The following MGAT5 variants were observed in gnomAD, a reference collection of about 807,000 sequenced individuals.
MGAT5 encodes the protein alpha-1,6-mannosylglycoprotein 6-beta-N-acetylglucosaminyltransferase A.
MGAT5 carries 30 observed loss-of-function variants against 94.3 expected under a neutral mutation model. That is an observed-to-expected ratio of 0.32 (90% CI 0.24 to 0.43). The LOEUF (loss-of-function observed/expected upper bound fraction) is 0.43, where lower values mean the gene tolerates loss of function less well. Among genes scored for constraint, MGAT5 ranks in the 20% least tolerant of loss-of-function variants. The pLI is 1.00. For synonymous variants in MGAT5, 310 were observed against 322.9 expected (o/e 0.96, Z 0.43); for missense variants, 691 against 905.5 (o/e 0.76, Z 3.04).
chr2:134,123,313 C>T (rs1249979798), intron 1 of MGAT5, among the ~76,000 whole-genome samples: 3 of 152,160 alleles, frequency 2.0e-5, no homozygotes, highest in African/African-American at 7.2e-5. Flanking sequence ...TTCCATGTGT[C>T]TCAGGATCTA....
At chr2:134,415,324 G>A (rs144101672) in intron 12 of MGAT5, among the ~76,000 whole-genome samples, 2,464 of 152,256 alleles carry the variant, frequency 0.016, 30 homozygotes, top group Middle Eastern at 0.13. Context: ...ACAAGCATGA[G>A]GTGATATCTC....
chr2:134,199,639 A>G (rs1206636326), intron 1 of MGAT5, among the ~76,000 whole-genome samples: 3 of 151,862 alleles, frequency 2.0e-5, no homozygotes, highest in Non-Finnish European at 4.4e-5. Context: ...CTCTGTCAGT[A>G]TTCCATGATT....
At chr2:134,270,354 A>G in intron 1 of MGAT5, 32 bp from the exon 2 acceptor site, 1 of 1,606,262 alleles carries the variant, frequency 6.2e-7, no homozygotes. Context: ...GAGGCCATAG[A>G]ATTTTAAAAT....
chr2:134,243,320 T>A lies in MGAT5; in HGVS notation c.-142-10942T>A, dbSNP rs566180168. On this transcript the variant is annotated intron_variant, in intron 1 of 16. Coordinates refer to the MGAT5 transcript ENST00000409645. ...ACATCATAGTTGGGAGGTCCTGGTTTAGTCAGTCCTAAGCTCTGAGGGCAA... is the reference window on the plus strand; with the variant it reads ...ACATCATAGTTGGGAGGTCCTGGTTAAGTCAGTCCTAAGCTCTGAGGGCAA... Among the ~76,000 whole-genome samples the A allele has an allele frequency of 2.6e-5, 4 of 152,248 alleles. No individual in the cohort carries two copies. In the South Asian group the frequency reaches 8.3e-4, roughly 32 times the overall value.
intron 5 of MGAT5, 138 bp downstream of exon 5, chr2:134,336,426 GA>G (rs1688335032): frequency 2.9e-6 from 2 of 685,956 alleles, no homozygotes; most frequent in Admixed American, 2.7e-5. Context: ...CGTCTCTGTG[GA>G]AGTCTAAGTG....
intron 15 of MGAT5, among the ~76,000 whole-genome samples, chr2:134,445,489 C>T (rs1020024649): frequency 6.6e-6 from 1 of 152,088 alleles, no homozygotes; most frequent in African/African-American, 2.4e-5. Context: ...CAGCAGCACT[C>T]GCCTCCTGTC....
At chr2:134,167,878 T>G (rs1055046566) in intron 1 of MGAT5, among the ~76,000 whole-genome samples, 9 of 152,196 alleles carry the variant, frequency 5.9e-5, no homozygotes, top group African/African-American at 2.2e-4. Context: ...TTTGGCTATT[T>G]TTTTCTCAAC....
chr2:134,354,717 C>CCTAAGCAG (rs755419115), intron 9 of MGAT5, among the ~76,000 whole-genome samples: 6 of 152,124 alleles, frequency 3.9e-5, no homozygotes, highest in Non-Finnish European at 8.8e-5. Context: ...CTGACACCTT[C>CCTAAGCAG]CTAAGCAGCT....
chr2:134,409,779 T>C (rs1331399561), intron 11 of MGAT5, among the ~76,000 whole-genome samples: 1 of 152,162 alleles, frequency 6.6e-6, no homozygotes, highest in African/African-American at 2.4e-5. Context: ...TTTCACAGAG[T>C]GGGAAAAATC....
intron 1 of MGAT5, among the ~76,000 whole-genome samples, chr2:134,168,860 C>G (rs1365900941): frequency 6.6e-6 from 1 of 152,192 alleles, no homozygotes; most frequent in African/African-American, 2.4e-5. Context: ...TTCTGAGATT[C>G]TTCTACTGGG....
chr2:134,160,995 A>T (rs1687706694), intron 1 of MGAT5, among the ~76,000 whole-genome samples: 1 of 152,224 alleles, frequency 6.6e-6, no homozygotes, highest in South Asian at 2.1e-4. Context: ...TTAGCAGAGA[A>T]CATCTGTGAG....
intron 1 of MGAT5, among the ~76,000 whole-genome samples, chr2:134,202,380 C>G (rs1366413464): frequency 2.0e-5 from 3 of 152,244 alleles, no homozygotes; most frequent in Non-Finnish European, 4.4e-5. Context: ...CATTTGAGTA[C>G]ACAGCTAGAA....
At chr2:134,275,578 CTTTTTTT>C (rs11409592) in intron 2 of MGAT5, among the ~76,000 whole-genome samples, 71 of 79,594 alleles carry the variant, frequency 8.9e-4, no homozygotes, top group Non-Finnish European at 1.3e-3. Flanking sequence ...GTGCTATTTC[CTTTTTTT>C]TTTTTTTTTT....
chr2:134,190,901 G>T (rs1296369177), intron 1 of MGAT5, among the ~76,000 whole-genome samples: 1 of 152,000 alleles, frequency 6.6e-6, no homozygotes, highest in Admixed American at 6.5e-5. Flanking sequence ...TGCCCGTCTC[G>T]GCCTCCCAGA....
intron 11 of MGAT5, among the ~76,000 whole-genome samples, chr2:134,404,571 A>C (rs1297040583): frequency 6.6e-6 from 1 of 152,180 alleles, no homozygotes; most frequent in East Asian, 1.9e-4. Context: ...TACTATCGTC[A>C]TAAACACTCA....
chr2:134,331,449 A>T (rs1687969034), intron 4 of MGAT5, among the ~76,000 whole-genome samples: 1 of 152,094 alleles, frequency 6.6e-6, no homozygotes, highest in Non-Finnish European at 1.5e-5. Flanking sequence ...GCTTCTCCTC[A>T]ATCGATTGTT....
chr2:134,323,184 A>C (rs935472), intron 4 of MGAT5, among the ~76,000 whole-genome samples: 147,701 of 152,220 alleles, frequency 0.97, 71,728 homozygotes, highest in East Asian at 1. Context: ...TCCCAGGAAG[A>C]AAAGCCATCA....
chr2:134,393,776 A>G (rs1040979587), intron 10 of MGAT5, among the ~76,000 whole-genome samples: 36 of 152,176 alleles, frequency 2.4e-4, no homozygotes, highest in African/African-American at 8.0e-4. Context: ...ATGCTTCTCC[A>G]CAACATGGTG....
At chr2:134,159,384 C>T (rs544260331) in intron 1 of MGAT5, among the ~76,000 whole-genome samples, 2 of 152,032 alleles carry the variant, frequency 1.3e-5, no homozygotes, top group Non-Finnish European at 2.9e-5. Flanking sequence ...AGCATTTGAA[C>T]GGTGACAAGA....
Sources: allele counts gnomAD v4.1 joint callset (sites outside exome capture counted in the v4.1 genomes callset), GRCh38; gene constraint gnomAD v4.1.1; transcripts MANE v1.5; gene names NCBI Gene and HGNC (gene_info 2026-07-23, HGNC 2026-07-21).